Variants in ROR2 observed in about 807,000 individuals in gnomAD.
The protein encoded by ROR2 is ROR family WNT receptor 2, also known as tyrosine-protein kinase transmembrane receptor ROR2.
ROR2 carries 33 observed loss-of-function variants against 74.9 expected under a neutral mutation model. The ratio of observed to expected loss-of-function variants is 0.44; its 90% CI spans 0.33 to 0.59. The LOEUF (loss-of-function observed/expected upper bound fraction) is 0.59, where lower values mean the gene tolerates loss of function less well. ROR2 is among the 20% of genes least tolerant of loss of function. The probability of loss-of-function intolerance (pLI) is 0.02; values close to 1 mark genes in which losing one functional copy is unlikely to be tolerated. For missense variants in ROR2, 1,216 were observed against 1,313.8 expected, an observed-to-expected ratio of 0.93 and a Z score of 1.15; for synonymous variants, 586 against 558.7, an observed-to-expected ratio of 1.05 and a Z score of -0.69.
At chr9:91,878,974 G>A (rs1473111659) in intron 1 of ROR2, among the ~76,000 whole-genome samples, 1 of 151,912 alleles carries the variant, frequency 6.6e-6, no homozygotes. Context: ...CCCGGGAGGC[G>A]GAGCTTGCAG....
chr9:91,883,872 A>AC (rs1479184509), intron 1 of ROR2, among the ~76,000 whole-genome samples: 1 of 151,172 alleles, frequency 6.6e-6, no homozygotes, highest in African/African-American at 2.4e-5. Context: ...TGGCCTCGGA[A>AC]CCCCCTTCTC....
intron 6 of ROR2, among the ~76,000 whole-genome samples, chr9:91,731,455 C>G (rs568608454): frequency 6.6e-6 from 1 of 152,286 alleles, no homozygotes; most frequent in South Asian, 2.1e-4. Flanking sequence ...TCTCCCCAGC[C>G]TCAGGATCAA....
intron 1 of ROR2, among the ~76,000 whole-genome samples, chr9:91,821,868 T>C (rs1459064423): frequency 6.6e-6 from 1 of 152,200 alleles, no homozygotes; most frequent in Non-Finnish European, 1.5e-5. Flanking sequence ...TCCCAGGCAC[T>C]GGGACCGAGG....
chr9:91,867,595 G>A (rs1829669881), intron 1 of ROR2, among the ~76,000 whole-genome samples: 1 of 151,574 alleles, frequency 6.6e-6, no homozygotes, highest in African/African-American at 2.4e-5. Flanking sequence ...TGATGGAGAA[G>A]GGAAAACTCA....
At chr9:91,817,271 A>T (rs1026254801) in intron 1 of ROR2, among the ~76,000 whole-genome samples, 1 of 152,214 alleles carries the variant, frequency 6.6e-6, no homozygotes, top group Non-Finnish European at 1.5e-5. Flanking sequence ...GACTGTCCCC[A>T]CCCTGAGTTC....
At chr9:91,937,218 G>A (rs1212328924) in intron 1 of ROR2, among the ~76,000 whole-genome samples, 2 of 152,078 alleles carry the variant, frequency 1.3e-5, no homozygotes, top group South Asian at 2.1e-4. Flanking sequence ...ACCCAGAGGC[G>A]CCTGTGGACC....
At chr9:91,838,152 T>C (rs759388792) in intron 1 of ROR2, among the ~76,000 whole-genome samples, 2 of 152,190 alleles carry the variant, frequency 1.3e-5, no homozygotes, top group Non-Finnish European at 2.9e-5. Context: ...TGTGTGTAAT[T>C]CTCCCTCTGG....
chr9:91,823,752 G>C (rs1218358480), intron 1 of ROR2, among the ~76,000 whole-genome samples: 1 of 152,220 alleles, frequency 6.6e-6, no homozygotes, highest in South Asian at 2.1e-4. Context: ...ATAATGAAAA[G>C]ACGGGAAGGA....
At chr9:91,822,247 C>T (rs1828160317) in intron 1 of ROR2, among the ~76,000 whole-genome samples, 2 of 152,192 alleles carry the variant, frequency 1.3e-5, no homozygotes, top group South Asian at 4.1e-4. Flanking sequence ...CACTCAGGGT[C>T]CCTGAGCACA....
At chr9:91,823,275 C>T (rs1427264596) in intron 1 of ROR2, among the ~76,000 whole-genome samples, 1 of 151,750 alleles carries the variant, frequency 6.6e-6, no homozygotes, top group Non-Finnish European at 1.5e-5. Context: ...GATGGATGCT[C>T]ACATATTTGG....
chr9:91,808,617 C>T (rs1827641303), intron 1 of ROR2, among the ~76,000 whole-genome samples: 1 of 150,136 alleles, frequency 6.7e-6, no homozygotes, highest in Admixed American at 6.6e-5. Context: ...AGCAAGACTC[C>T]ATCTCAAAAA....
At chr9:91,736,511 A>T (rs2118722677) in intron 5 of ROR2, among the ~76,000 whole-genome samples, 1 of 152,308 alleles carries the variant, frequency 6.6e-6, no homozygotes, top group South Asian at 2.1e-4. Context: ...GCTCCCATGG[A>T]GAGGATCCAA....
At chr9:91,794,499 G>A (rs941288880) in intron 1 of ROR2, among the ~76,000 whole-genome samples, 6 of 152,136 alleles carry the variant, frequency 3.9e-5, no homozygotes, top group Non-Finnish European at 1.5e-5. Flanking sequence ...AATCCCAGAA[G>A]AAACAAATCC....
chr9:91,812,657 T>A (rs1753099752), intron 1 of ROR2, among the ~76,000 whole-genome samples: 1 of 151,784 alleles, frequency 6.6e-6, no homozygotes, highest in African/African-American at 2.4e-5. Flanking sequence ...TGAACTGTGC[T>A]ATTGGTGGAG....
chr9:91,750,604 C>T (rs1825568266), intron 4 of ROR2, among the ~76,000 whole-genome samples: 2 of 152,114 alleles, frequency 1.3e-5, no homozygotes, highest in African/African-American at 4.8e-5. Context: ...AAAAACGTGA[C>T]ACTAAGTAGA....
chr9:91,927,209 G>T (rs1207920051), intron 1 of ROR2, among the ~76,000 whole-genome samples: 2 of 152,282 alleles, frequency 1.3e-5, no homozygotes, highest in East Asian at 3.9e-4. Context: ...CTGGGTTAGA[G>T]GTCATACTCT....
chr9:91,916,029 C>A (rs1214740025), intron 1 of ROR2, among the ~76,000 whole-genome samples: 3 of 152,174 alleles, frequency 2.0e-5, no homozygotes, highest in African/African-American at 7.2e-5. Flanking sequence ...TCTAACACCT[C>A]CATCCTAATT....
intron 3 of ROR2, 41 bp downstream of exon 3, chr9:91,757,231 T>G: frequency 6.2e-7 from 1 of 1,612,864 alleles, no homozygotes; most frequent in South Asian, 1.1e-5. Flanking sequence ...GCTGGGAACC[T>G]TCATATCTGC....
intron 2 of ROR2, among the ~76,000 whole-genome samples, chr9:91,769,047 T>A (rs995287716): frequency 6.6e-6 from 1 of 152,160 alleles, no homozygotes; most frequent in Non-Finnish European, 1.5e-5. Flanking sequence ...TGCTTGGGAT[T>A]GCGTGGCTGT....
Sources: gnomAD v4.1 joint callset for allele counts (sites outside exome capture counted in the v4.1 genomes callset) on GRCh38, gnomAD v4.1.1 for gene constraint, MANE v1.5 for transcripts, NCBI Gene and HGNC (gene_info 2026-07-23, HGNC 2026-07-21) for gene names.